Variants in OVCH1 observed in about 807,000 individuals in gnomAD.
OVCH1 encodes the protein ovochymase-1.
OVCH1 carries 139 observed loss-of-function variants against 138.4 expected under a neutral mutation model. That is an observed-to-expected ratio of 1.00 (90% CI 0.87 to 1.16). OVCH1 has a LOEUF of 1.16. Ranked by LOEUF, OVCH1 falls within the 50% of genes most tolerant of loss-of-function variation. The probability of loss-of-function intolerance (pLI) is 0.00; values close to 1 mark genes in which losing one functional copy is unlikely to be tolerated. For synonymous variants in OVCH1, 453 were observed against 467.8 expected (o/e 0.97, Z 0.41); for missense variants, 1,367 against 1,357.9 (o/e 1.01, Z -0.11).
intron 22 of OVCH1, among the ~76,000 whole-genome samples, chr12:29,445,794 T>C (rs545780428): frequency 6.6e-6 from 1 of 152,200 alleles, no homozygotes; most frequent in Non-Finnish European, 1.5e-5. Flanking sequence ...AAATTTATTA[T>C]TTCCCTATAG....
At position 29,496,279 on chromosome 12, in the gene OVCH1, C is replaced by T; in HGVS notation, c.184-1G>A. 1 of 1,596,800 alleles carries T rather than the reference C, an allele frequency of 6.3e-7. No individual in the cohort carries two copies. Among genetic ancestry groups the T allele is most frequent in the Non-Finnish European group, 8.5e-7 (1 of 1,170,736 alleles). ...GGTGCTCATCTGATTTTAGGGAGAC[C>T]TACCCAAGAAGAAAGTTACAAATGC... is the stretch of plus-strand genomic sequence containing the variant. On this transcript the variant is annotated splice_acceptor_variant, in intron 2 of 27. Transcript: ENST00000318184. LOFTEE classifies it high-confidence loss of function.
intron 23 of OVCH1, among the ~76,000 whole-genome samples, chr12:29,445,032 C>T (rs1357133720): frequency 6.6e-6 from 1 of 152,042 alleles, no homozygotes; most frequent in Non-Finnish European, 1.5e-5. Context: ...AGTTATCTTG[C>T]AATGAACATA....
chr12:29,416,500 T>C lies in OVCH1; in HGVS notation c.*72-3775A>G, dbSNP rs967741947. Among the ~76,000 whole-genome samples, 5 of 152,220 alleles carry C rather than the reference T, an allele frequency of 3.3e-5. No individual in the cohort carries two copies. In the East Asian group the frequency reaches 9.6e-4, roughly 29 times the overall value. On this transcript the variant is annotated intron_variant and NMD_transcript_variant, in intron 3 of 4. Transcript: ENST00000539117. Reference sequence around the variant, plus strand: ...TCAATTGGAAAATAGGCTAAAGATATGAAGGGGCTTGTCACTGAAGAGGTT... The same window carrying C: ...TCAATTGGAAAATAGGCTAAAGATACGAAGGGGCTTGTCACTGAAGAGGTT...
intron 21 of OVCH1, among the ~76,000 whole-genome samples, chr12:29,453,486 C>G (rs1418210426): frequency 6.6e-6 from 1 of 152,132 alleles, no homozygotes; most frequent in Non-Finnish European, 1.5e-5. Context: ...AGCCCCTAGA[C>G]ACTTGATCAG....
intron 9 of OVCH1, 129 bp downstream of exon 10, chr12:29,478,706 A>C (rs1942825600): frequency 1.2e-5 from 6 of 505,184 alleles, no homozygotes; most frequent in Non-Finnish European, 1.6e-5. Context: ...TTTATTAGGA[A>C]AGTAAAGGAA....
intron 3 of OVCH1, among the ~76,000 whole-genome samples, chr12:29,414,745 A>C (rs7298472): frequency 6.6e-6 from 1 of 151,388 alleles, no homozygotes; most frequent in Non-Finnish European, 1.5e-5. Flanking sequence ...GGAAAAAAAA[A>C]ATATATATAC....
chr12:29,457,823 G>C (rs1388222424), intron 19 of OVCH1, among the ~76,000 whole-genome samples: 3 of 152,150 alleles, frequency 2.0e-5, no homozygotes, highest in African/African-American at 7.2e-5. Context: ...TACTCAGAGT[G>C]AATAGTAAAG....
intron 5 of OVCH1, among the ~76,000 whole-genome samples, 168 bp downstream of exon 5, chr12:29,490,929 T>C (rs1053256813): frequency 1.3e-5 from 2 of 152,234 alleles, no homozygotes; most frequent in South Asian, 2.1e-4. Flanking sequence ...ATAGCCTTTT[T>C]AAAAGTATAA....
chr12:29,418,875 TAGAGATA>T (rs1231272585), intron 3 of OVCH1, among the ~76,000 whole-genome samples: 7 of 152,220 alleles, frequency 4.6e-5, no homozygotes, highest in Non-Finnish European at 7.3e-5. Context: ...TTTTTAGAAT[TAGAGATA>T]TGGTATTGCA....
chr12:29,473,443 T>C (rs575419345), intron 14 of OVCH1, among the ~76,000 whole-genome samples: 9 of 152,286 alleles, frequency 5.9e-5, no homozygotes, highest in Non-Finnish European at 1.2e-4. Context: ...CATTACTCTA[T>C]TTTTATTCAT....
At chr12:29,479,733 A>G (rs781121951) in intron 8 of OVCH1, among the ~76,000 whole-genome samples, 2 of 152,102 alleles carry the variant, frequency 1.3e-5, no homozygotes, top group African/African-American at 4.8e-5. Flanking sequence ...GACTTTCGGA[A>G]TTAGTCAAGT....
intron 3 of OVCH1, among the ~76,000 whole-genome samples, chr12:29,421,768 T>C (rs1048173188): frequency 6.6e-6 from 1 of 152,170 alleles, no homozygotes; most frequent in Non-Finnish European, 1.5e-5. Context: ...AACCAAGAGA[T>C]GTTTTTAAGT....
intron 18 of OVCH1, among the ~76,000 whole-genome samples, chr12:29,463,980 T>A (rs1175229288): frequency 6.6e-6 from 1 of 152,110 alleles, no homozygotes; most frequent in Non-Finnish European, 1.5e-5. Context: ...TAGCCAGGGG[T>A]GAGCACATGA....
intron 4 of OVCH1, 136 bp downstream of exon 4, chr12:29,495,149 G>T: frequency 1.1e-6 from 1 of 905,670 alleles, no homozygotes; most frequent in Non-Finnish European, 1.6e-6. Flanking sequence ...GTTATAGACC[G>T]AACAAAATTA....
At chr12:29,464,467 A>G in intron 18 of OVCH1, 40 bp downstream of exon 18, 4 of 1,594,778 alleles carry the variant, frequency 2.5e-6, no homozygotes, top group Non-Finnish European at 3.4e-6. Context: ...TTCAAAAATA[A>G]CAACTGGCAT....
intron 13 of OVCH1, among the ~76,000 whole-genome samples, chr12:29,475,660 A>G (rs1028401690): frequency 1.9e-4 from 29 of 152,152 alleles, no homozygotes; most frequent in African/African-American, 7.0e-4. Flanking sequence ...TTCCAAACCA[A>G]TCTATAATCC....
At chr12:29,448,279 G>T (rs1941673512) in intron 22 of OVCH1, among the ~76,000 whole-genome samples, 1 of 151,214 alleles carries the variant, frequency 6.6e-6, no homozygotes, top group Non-Finnish European at 1.5e-5. Flanking sequence ...CTGCTGTGTG[G>T]CCTAGTTCCT....
At chr12:29,427,647 C>G (rs1486638821) in exon 28 of OVCH1, 1 of 1,550,612 alleles carries the variant, frequency 6.4e-7, no homozygotes, top group African/African-American at 1.4e-5. Flanking sequence ...AGCCTCCATA[C>G]TGTGAGAAAT....
chr12:29,437,023 G>C (rs148801783), intron 26 of OVCH1, among the ~76,000 whole-genome samples: 2 of 152,114 alleles, frequency 1.3e-5, no homozygotes, highest in African/African-American at 2.4e-5. Flanking sequence ...TGACTGGTCC[G>C]TTTTTACAGA....
Sources: allele counts gnomAD v4.1 joint callset (sites outside exome capture counted in the v4.1 genomes callset), GRCh38; gene constraint gnomAD v4.1.1; transcripts MANE v1.5; gene names NCBI Gene and HGNC (gene_info 2026-07-23, HGNC 2026-07-21).